PRKG1: variants seen among roughly 807,000 people sequenced by gnomAD.
PRKG1 encodes the protein cGMP-dependent protein kinase 1.
In PRKG1, 35 loss-of-function variants were observed where a neutral mutation model predicts 88.1. That is an observed-to-expected ratio of 0.40 (90% confidence interval 0.30 to 0.53). PRKG1 has a LOEUF of 0.53. Among genes scored for constraint, PRKG1 ranks in the 20% least tolerant of loss-of-function variants. The pLI is 0.59. For synonymous variants in PRKG1, 303 were observed against 292.5 expected, an observed-to-expected ratio of 1.04 and a Z score of -0.37; for missense variants, 540 against 839.8, an observed-to-expected ratio of 0.64 and a Z score of 4.41.
intron 1 of PRKG1, among the ~76,000 whole-genome samples, chr10:51,079,679 T>TTGTGTG (rs56746938): frequency 0.012 from 1,781 of 150,206 alleles, 12 homozygotes; most frequent in Admixed American, 0.027. Flanking sequence ...TAAGGCTCAT[T>TTGTGTG]TGTGTGTGTG....
At chr10:51,512,463 C>T (rs1467446154) in intron 3 of PRKG1, among the ~76,000 whole-genome samples, 66 of 136,870 alleles carry the variant, frequency 4.8e-4, no homozygotes, top group East Asian at 1.3e-3. Flanking sequence ...TTTGTTCTTG[C>T]GATAGTTTAC....
intron 3 of PRKG1, among the ~76,000 whole-genome samples, chr10:51,588,580 T>C (rs1220616202): frequency 6.6e-6 from 1 of 152,128 alleles, no homozygotes; most frequent in Non-Finnish European, 1.5e-5. Context: ...GGAGAACTTG[T>C]CAAAAACAGT....
intron 3 of PRKG1, among the ~76,000 whole-genome samples, chr10:51,673,458 A>G (rs1374977013): frequency 1.3e-5 from 2 of 152,152 alleles, no homozygotes; most frequent in African/African-American, 4.8e-5. Flanking sequence ...AATTGGAGAT[A>G]AAGTCAGAAA....
intron 5 of PRKG1, among the ~76,000 whole-genome samples, chr10:52,035,114 G>T (rs1371080986): frequency 6.6e-6 from 1 of 152,146 alleles, no homozygotes; most frequent in Non-Finnish European, 1.5e-5. Context: ...TATTGAGGTG[G>T]GAAGGCTAAA....
At chr10:51,630,968 C>T (rs1839510448) in intron 3 of PRKG1, among the ~76,000 whole-genome samples, 1 of 152,164 alleles carries the variant, frequency 6.6e-6, no homozygotes, top group African/African-American at 2.4e-5. Context: ...TATTGAAAAA[C>T]TCCAAAGGCT....
chr10:52,267,745 A>T (rs1033861633), intron 10 of PRKG1, among the ~76,000 whole-genome samples: 1 of 152,080 alleles, frequency 6.6e-6, no homozygotes, highest in African/African-American at 2.4e-5. Flanking sequence ...TTATTCATAT[A>T]TATGTCTTGG....
chr10:51,548,953 T>C (rs1008576950), intron 3 of PRKG1, among the ~76,000 whole-genome samples: 8 of 151,936 alleles, frequency 5.3e-5, no homozygotes, highest in African/African-American at 1.9e-4. Flanking sequence ...TAAAAAACTT[T>C]CTTAGTGAAT....
chr10:51,237,246 A>T (rs1052020746), intron 2 of PRKG1, among the ~76,000 whole-genome samples: 3 of 152,320 alleles, frequency 2.0e-5, no homozygotes, highest in Middle Eastern at 3.4e-3. Flanking sequence ...TTACCAAATG[A>T]TATTCTGATC....
At chr10:51,567,220 A>G (rs1425822637) in intron 3 of PRKG1, among the ~76,000 whole-genome samples, 5 of 152,004 alleles carry the variant, frequency 3.3e-5, no homozygotes, top group Admixed American at 3.3e-4. Flanking sequence ...CTCACTTTAT[A>G]TGAAATAATG....
At chr10:51,115,223 A>G (rs1236937628) in intron 1 of PRKG1, among the ~76,000 whole-genome samples, 1 of 140,602 alleles carries the variant, frequency 7.1e-6, no homozygotes, top group Non-Finnish European at 1.5e-5. Context: ...CTGAGGCAGG[A>G]GAATCACTTG....
intron 3 of PRKG1, among the ~76,000 whole-genome samples, chr10:51,605,870 A>C (rs576617182): frequency 1.3e-5 from 2 of 152,160 alleles, no homozygotes; most frequent in African/African-American, 4.8e-5. Context: ...TTTACTTGCC[A>C]GTTTTTTATC....
intron 3 of PRKG1, among the ~76,000 whole-genome samples, chr10:51,519,109 T>C (rs1471260145): frequency 6.6e-6 from 1 of 152,190 alleles, no homozygotes; most frequent in African/African-American, 2.4e-5. Flanking sequence ...ATCATTCAAC[T>C]TGAAGAAACA....
intron 2 of PRKG1, among the ~76,000 whole-genome samples, chr10:51,303,853 C>T (rs1840959728): frequency 6.6e-6 from 1 of 152,030 alleles, no homozygotes; most frequent in African/African-American, 2.4e-5. Context: ...CAGAGTCTCA[C>T]TCTGTAACCC....
At chr10:51,240,246 C>CA (rs1839116726) in intron 2 of PRKG1, among the ~76,000 whole-genome samples, 3 of 152,174 alleles carry the variant, frequency 2.0e-5, no homozygotes, top group Admixed American at 1.3e-4. Context: ...TTCATTGTTT[C>CA]TCAGTTGTCT....
chr10:52,146,976 T>A (rs1413813466), intron 8 of PRKG1, among the ~76,000 whole-genome samples: 1 of 152,074 alleles, frequency 6.6e-6, no homozygotes, highest in Non-Finnish European at 1.5e-5. Context: ...TACATCACCG[T>A]CCTAAAAGAG....
intron 1 of PRKG1, among the ~76,000 whole-genome samples, chr10:51,021,543 T>C (rs1843136932): frequency 6.6e-6 from 1 of 152,244 alleles, no homozygotes; most frequent in Non-Finnish European, 1.5e-5. Context: ...TCTTTCTAGC[T>C]AGTCATGTTG....
chr10:52,141,141 T>C (rs906058998), intron 8 of PRKG1, among the ~76,000 whole-genome samples: 4 of 152,132 alleles, frequency 2.6e-5, no homozygotes, highest in Non-Finnish European at 5.9e-5. Flanking sequence ...TGTTATTGAC[T>C]GGTGTGCTTC....
At chr10:51,706,746 C>T (rs28409788) in intron 3 of PRKG1, among the ~76,000 whole-genome samples, 11 of 152,002 alleles carry the variant, frequency 7.2e-5, no homozygotes, top group East Asian at 1.9e-4. Context: ...TAGTTCAACA[C>T]GTAATTTTGT....
chr10:51,173,050 G>T (rs1274092093), intron 2 of PRKG1, among the ~76,000 whole-genome samples: 1 of 151,886 alleles, frequency 6.6e-6, no homozygotes, highest in Non-Finnish European at 1.5e-5. Flanking sequence ...CAAATGATTT[G>T]CAGTTTATTT....
Sources: allele counts gnomAD v4.1 joint callset (sites outside exome capture counted in the v4.1 genomes callset), GRCh38; gene constraint gnomAD v4.1.1; transcripts MANE v1.5; gene names NCBI Gene and HGNC (gene_info 2026-07-23, HGNC 2026-07-21).